FAM53A: variants seen among roughly 807,000 people sequenced by gnomAD.
The protein encoded by FAM53A is protein FAM53A.
Under a neutral mutation model 26.6 loss-of-function variants are expected in FAM53A, and 28 were observed. The ratio of observed to expected loss-of-function variants is 1.05; its 90% CI spans 0.78 to 1.45. FAM53A has a LOEUF of 1.45. Ranked by LOEUF, FAM53A falls within the 40% of genes most tolerant of loss-of-function variation. The pLI, the probability that FAM53A is intolerant of heterozygous loss-of-function variation, is 0.00. For missense variants in FAM53A, 650 were observed against 575.8 expected (o/e 1.13, Z -1.32); for synonymous variants, 290 against 253.1 (o/e 1.15, Z -1.38).
At chr4:1,666,896 G>A (rs1268752966) in intron 2 of FAM53A, among the ~76,000 whole-genome samples, 15 of 152,320 alleles carry the variant, frequency 9.8e-5, no homozygotes, top group East Asian at 1.9e-4. Context: ...TTGGGAGGCC[G>A]AGGCAGGCAG....
rs1369081367 is a variant in FAM53A at position 1,641,399 on chromosome 4, G to C, written c.1091C>G (p.Ser364Cys). The part of the protein sequence containing the change: ...ASRESVTSDG[S>C]RRSSGDPRDG... Reference sequence around the variant, plus strand: ...ACGGGGGTCCCCGCTGCTCCTGCGGGAGCCATCACTGGTCACCGACTCCCT... The same window carrying C: ...ACGGGGGTCCCCGCTGCTCCTGCGGCAGCCATCACTGGTCACCGACTCCCT... The change falls in exon 5 of 5, where the codon TCC (serine) becomes TGC (cysteine). Residue 364 changes from serine (S) to cysteine (C), a missense_variant. Transcript: ENST00000308132. The C allele has an allele frequency of 6.2e-7, 1 of 1,611,160 alleles. No individual in the cohort carries two copies. Among genetic ancestry groups the C allele is most frequent in the Non-Finnish European group, 8.5e-7 (1 of 1,179,116 alleles).
chr4:1,579,624 G>A, the FAM53A span, among the ~76,000 whole-genome samples: 1 of 152,216 alleles, frequency 6.6e-6, no homozygotes, highest in African/African-American at 2.4e-5. Context: ...GTAAAAGGGG[G>A]TGGGGCTGCC....
At chr4:1,632,100 G>A (rs1715632598) in intron 1 of FAM53A, among the ~76,000 whole-genome samples, 1 of 150,184 alleles carries the variant, frequency 6.7e-6, no homozygotes, top group Non-Finnish European at 1.5e-5. Flanking sequence ...GTAGGTGGAG[G>A]TCGCAGTGAG....
intron 1 of FAM53A, among the ~76,000 whole-genome samples, chr4:1,669,685 G>C (rs1294237770): frequency 1.3e-5 from 2 of 152,212 alleles, no homozygotes; most frequent in Admixed American, 1.3e-4. Flanking sequence ...GGCCAAAACA[G>C]ACAAGGTGCA....
At chr4:1,577,044 G>A in the FAM53A span, among the ~76,000 whole-genome samples, 4 of 146,626 alleles carry the variant, frequency 2.7e-5, no homozygotes, top group South Asian at 2.3e-4. Flanking sequence ...GTAGTGTTCC[G>A]GGTCCTCTCT....
intron 1 of FAM53A, among the ~76,000 whole-genome samples, chr4:1,623,747 C>G (rs1577083353): frequency 6.6e-6 from 1 of 152,272 alleles, no homozygotes; most frequent in African/African-American, 2.4e-5. Context: ...CGGACGTTAC[C>G]ATACATTCCC....
chr4:1,643,162 T>C (rs963575151), intron 4 of FAM53A, among the ~76,000 whole-genome samples: 1 of 152,286 alleles, frequency 6.6e-6, no homozygotes, highest in South Asian at 2.1e-4. Flanking sequence ...AAGGATATTA[T>C]TGGGCTCTAA....
At chr4:1,606,723 G>A in the FAM53A span, among the ~76,000 whole-genome samples, 5 of 152,210 alleles carry the variant, frequency 3.3e-5, no homozygotes, top group Non-Finnish European at 7.3e-5. Context: ...ATAGTCTACT[G>A]CACGGATGGA....
the FAM53A span, among the ~76,000 whole-genome samples, chr4:1,592,518 AGG>A: frequency 1.2e-5 from 1 of 84,988 alleles, no homozygotes; most frequent in Non-Finnish European, 3.1e-5. Context: ...GGGGGAAAAC[AGG>A]GGCAGGAGAG....
the FAM53A span, among the ~76,000 whole-genome samples, chr4:1,595,069 T>G: frequency 6.6e-6 from 1 of 152,118 alleles, no homozygotes; most frequent in African/African-American, 2.4e-5. Context: ...CAAAGCACCA[T>G]GGGACCCAGC....
rs763982029 is a variant in FAM53A at position 1,657,397 on chromosome 4, A to C, written c.136+11T>G. The C allele has an allele frequency of 5.6e-6, 9 of 1,612,424 alleles. No homozygotes were observed. The South Asian group carries it at 8.8e-5, about 16-fold the overall frequency. On this transcript the variant is annotated intron_variant, in intron 3 of 4. Transcript: ENST00000308132. ...GCTCAGGCCTCCGGCCACAGCTCCTAAAGTGCTCACCGTTGAGCTCCAAAG... is the reference window on the plus strand; with the variant it reads ...GCTCAGGCCTCCGGCCACAGCTCCTCAAGTGCTCACCGTTGAGCTCCAAAG...
At chr4:1,679,327 AGTGAGCCAAGATCAT>A (rs1435893096) in intron 1 of FAM53A, among the ~76,000 whole-genome samples, 18 of 142,538 alleles carry the variant, frequency 1.3e-4, no homozygotes, top group African/African-American at 4.7e-4. Context: ...CTGAGGTTGC[AGTGAGCCAAGATCAT>A]GCCACTGCAC....
intron 1 of FAM53A, among the ~76,000 whole-genome samples, chr4:1,631,235 AG>A (rs138929272): frequency 6.6e-6 from 1 of 152,276 alleles, no homozygotes; most frequent in East Asian, 1.9e-4. Context: ...GGGGCTTCCC[AG>A]CAGCCTTTTG....
the FAM53A span, among the ~76,000 whole-genome samples, chr4:1,603,864 G>A: frequency 6.6e-6 from 1 of 152,206 alleles, no homozygotes; most frequent in Non-Finnish European, 1.5e-5. Flanking sequence ...AGTGCCCTAC[G>A]CAGAGCAGAC....
chr4:1,620,656 A>G (rs887315089), intron 1 of FAM53A, among the ~76,000 whole-genome samples: 2 of 152,026 alleles, frequency 1.3e-5, no homozygotes, highest in African/African-American at 4.8e-5. Flanking sequence ...TGACACTGCA[A>G]GACTCTGTCT....
intron 1 of FAM53A, among the ~76,000 whole-genome samples, chr4:1,677,881 G>C (rs1019406213): frequency 7.9e-5 from 12 of 152,196 alleles, no homozygotes; most frequent in Non-Finnish European, 1.5e-5. Flanking sequence ...GGAGGCAGAG[G>C]TCGCAATGAG....
intron 2 of FAM53A, among the ~76,000 whole-genome samples, chr4:1,661,199 A>G (rs1191804618): frequency 6.6e-6 from 1 of 152,038 alleles, no homozygotes; most frequent in Non-Finnish European, 1.5e-5. Flanking sequence ...CAGATCCCAG[A>G]TGCCTGTGCC....
At chr4:1,600,858 C>T in the FAM53A span, among the ~76,000 whole-genome samples, 4 of 152,180 alleles carry the variant, frequency 2.6e-5, no homozygotes, top group Admixed American at 1.3e-4. Context: ...ATCTGTACCA[C>T]TGCATCCTCT....
chr4:1,670,537 C>T (rs1295461623), intron 1 of FAM53A, among the ~76,000 whole-genome samples: 2 of 152,222 alleles, frequency 1.3e-5, no homozygotes. Context: ...CCAGGGGACA[C>T]ACCACATCAG....
Sources: gnomAD v4.1 joint callset for allele counts (sites outside exome capture counted in the v4.1 genomes callset) on GRCh38, gnomAD v4.1.1 for gene constraint, MANE v1.5 for transcripts, NCBI Gene and HGNC (gene_info 2026-07-23, HGNC 2026-07-21) for gene names.